CNTNAP2: variants seen among roughly 807,000 people sequenced by gnomAD.
The protein encoded by CNTNAP2 is contactin associated protein 2, also known as contactin-associated protein-like 2.
A neutral mutation model predicts 155.2 loss-of-function variants in CNTNAP2; 98 were observed. The observed-to-expected ratio is 0.63, with a 90% CI of 0.54 to 0.75. The LOEUF (loss-of-function observed/expected upper bound fraction) is 0.75. CNTNAP2 is among the 30% of genes least tolerant of loss of function. The probability of loss-of-function intolerance (pLI) is 0.00; values close to 1 mark genes in which losing one functional copy is unlikely to be tolerated. For missense variants in CNTNAP2, 1,727 were observed against 1,688.1 expected, an observed-to-expected ratio of 1.02 and a Z score of -0.40; for synonymous variants, 651 against 631.2, an observed-to-expected ratio of 1.03 and a Z score of -0.47.
intron 1 of CNTNAP2, among the ~76,000 whole-genome samples, chr7:146,297,117 T>C (rs1800526799): frequency 6.6e-6 from 1 of 152,116 alleles, no homozygotes; most frequent in African/African-American, 2.4e-5. Flanking sequence ...TTCAATTTTT[T>C]TCTTGAATGA....
chr7:147,468,169 T>C (rs1161312511), intron 10 of CNTNAP2, among the ~76,000 whole-genome samples: 2 of 152,102 alleles, frequency 1.3e-5, no homozygotes, highest in East Asian at 1.9e-4. Context: ...CACGTGCCTA[T>C]AGTTTCAGCT....
chr7:147,068,632 C>T (rs1408797702), intron 4 of CNTNAP2, among the ~76,000 whole-genome samples: 2 of 152,174 alleles, frequency 1.3e-5, no homozygotes, highest in Admixed American at 6.5e-5. Flanking sequence ...GCTGGAACTA[C>T]AGGCATGAGC....
intron 8 of CNTNAP2, among the ~76,000 whole-genome samples, chr7:147,239,796 C>A (rs1471351882): frequency 6.6e-6 from 1 of 152,158 alleles, no homozygotes; most frequent in Non-Finnish European, 1.5e-5. Flanking sequence ...TTATAGATAT[C>A]ATCATCCTCT....
rs890728622 is a variant in CNTNAP2 at position 146,605,470 on chromosome 7, G to A, written c.98-168801G>A. Among the ~76,000 whole-genome samples, 2 of 144,258 alleles carry A rather than the reference G, an allele frequency of 1.4e-5. 1 individual carries two copies. The highest frequency in any genetic ancestry group is 3.1e-5 in the Non-Finnish European group (2 of 64,760). The allele number at this position is 144,258 out of a possible 152,430, so 94.6% of individuals were successfully genotyped here. On this transcript the variant is annotated intron_variant, in intron 1 of 23. Coordinates refer to ENST00000361727, the MANE Select transcript of CNTNAP2 (RefSeq NM_014141.6). ...GTATTAATGCACTTAGTATAGTCAT[G>A]TTATGCAGAAAAAAGGACTCTAAGA...
intron 20 of CNTNAP2, among the ~76,000 whole-genome samples, chr7:148,236,626 T>C (rs1796045211): frequency 6.6e-6 from 1 of 152,226 alleles, no homozygotes; most frequent in African/African-American, 2.4e-5. Flanking sequence ...AATATTTTAT[T>C]GCATACTATA....
chr7:146,997,138 A>G (rs1008432237), intron 3 of CNTNAP2, among the ~76,000 whole-genome samples: 2 of 152,034 alleles, frequency 1.3e-5, no homozygotes, highest in Non-Finnish European at 2.9e-5. Context: ...AATACAGTGG[A>G]TGTCCTTGTT....
intron 1 of CNTNAP2, among the ~76,000 whole-genome samples, chr7:146,644,608 A>G (rs1169572825): frequency 6.6e-6 from 1 of 152,130 alleles, no homozygotes; most frequent in Non-Finnish European, 1.5e-5. Context: ...ATATTGGTCT[A>G]AAATTCGCAA....
chr7:147,732,038 CT>C (rs543740741), intron 13 of CNTNAP2, among the ~76,000 whole-genome samples: 20 of 151,134 alleles, frequency 1.3e-4, no homozygotes, highest in African/African-American at 2.9e-4. Context: ...AAATTGGTTT[CT>C]TTTTTTTTAT....
chr7:146,911,455 A>G (rs1311567100), intron 3 of CNTNAP2, among the ~76,000 whole-genome samples: 3 of 152,012 alleles, frequency 2.0e-5, no homozygotes, highest in Non-Finnish European at 4.4e-5. Context: ...GCACATATAC[A>G]CCATGGAATA....
chr7:147,737,823 G>A (rs1450190016), intron 13 of CNTNAP2, among the ~76,000 whole-genome samples: 1 of 152,212 alleles, frequency 6.6e-6, no homozygotes, highest in Non-Finnish European at 1.5e-5. Flanking sequence ...TGAGCCAGGT[G>A]CGGGATGTAA....
chr7:146,133,769 C>G (rs937108080), intron 1 of CNTNAP2, among the ~76,000 whole-genome samples: 47 of 152,098 alleles, frequency 3.1e-4, no homozygotes, highest in Non-Finnish European at 6.0e-4. Context: ...TTCCATTGAT[C>G]TATATCTCTG....
intron 9 of CNTNAP2, among the ~76,000 whole-genome samples, chr7:147,364,742 G>A (rs911575840): frequency 1.3e-5 from 2 of 151,940 alleles, no homozygotes; most frequent in Non-Finnish European, 2.9e-5. Flanking sequence ...CCAGCTACTC[G>A]GGAGGCTGAG....
chr7:146,259,752 G>A (rs112360454), intron 1 of CNTNAP2, among the ~76,000 whole-genome samples: 4,098 of 152,220 alleles, frequency 0.027, 209 homozygotes, highest in African/African-American at 0.094. Flanking sequence ...AAGGAAAGCA[G>A]AGCATAAAAG....
chr7:146,570,366 T>C (rs890178123), intron 1 of CNTNAP2, among the ~76,000 whole-genome samples: 1 of 152,182 alleles, frequency 6.6e-6, no homozygotes, highest in Non-Finnish European at 1.5e-5. Context: ...CCCACTATTC[T>C]AAATTTTGGG....
At chr7:148,197,042 T>C (rs1038537278) in intron 18 of CNTNAP2, among the ~76,000 whole-genome samples, 11 of 152,186 alleles carry the variant, frequency 7.2e-5, no homozygotes, top group African/African-American at 2.7e-4. Context: ...TATATACCTT[T>C]ATATATTCAG....
rs1797829129 is a variant in CNTNAP2 at position 147,792,047 on chromosome 7, G to A, written c.2099-111518G>A. Reference sequence around the variant, plus strand: ...CCTAATTAGAAGCATTCTTTGCTTGGTCAGCTCTGCCTAAGTTCTACAGGG... The same window carrying A: ...CCTAATTAGAAGCATTCTTTGCTTGATCAGCTCTGCCTAAGTTCTACAGGG... On this transcript the variant is annotated intron_variant, in intron 13 of 23. Transcript: ENST00000361727. Among the ~76,000 whole-genome samples the A allele has an allele frequency of 2.0e-5, 3 of 152,124 alleles. No homozygotes were observed. The South Asian group carries it at 6.2e-4, about 32-fold the overall frequency.
At chr7:147,451,911 C>G (rs1797840928) in intron 10 of CNTNAP2, among the ~76,000 whole-genome samples, 1 of 152,200 alleles carries the variant, frequency 6.6e-6, no homozygotes. Context: ...TTGGTGACCT[C>G]TTGCCGTCTC....
intron 1 of CNTNAP2, among the ~76,000 whole-genome samples, chr7:146,709,267 C>T (rs1801020921): frequency 6.6e-6 from 1 of 152,136 alleles, no homozygotes; most frequent in Non-Finnish European, 1.5e-5. Flanking sequence ...AGTAGCAGAA[C>T]TGGGTCGTGT....
intron 2 of CNTNAP2, among the ~76,000 whole-genome samples, chr7:146,812,235 T>C (rs897462523): frequency 5.9e-5 from 9 of 151,956 alleles, no homozygotes; most frequent in Non-Finnish European, 1.3e-4. Context: ...CTGACGGTTA[T>C]ATGGACAATA....
Sources: gnomAD v4.1 joint callset for allele counts (sites outside exome capture counted in the v4.1 genomes callset) on GRCh38, gnomAD v4.1.1 for gene constraint, MANE v1.5 for transcripts, NCBI Gene and HGNC (gene_info 2026-07-23, HGNC 2026-07-21) for gene names.